ASTN1: variants seen among roughly 807,000 people sequenced by gnomAD.
ASTN1 encodes astrotactin 1, also known as astrotactin-1.
ASTN1 carries 41 observed loss-of-function variants against 140.7 expected under a neutral mutation model. That is an observed-to-expected ratio of 0.29 (90% CI 0.23 to 0.38). The LOEUF is 0.38. ASTN1 is among the 10% of genes least tolerant of loss of function. The pLI is 1.00. For synonymous variants in ASTN1, 640 were observed against 652.2 expected (o/e 0.98, Z 0.29); for missense variants, 1,479 against 1,678.8 (o/e 0.88, Z 2.08).
chr1:176,989,972 G>A (rs753203453), intron 8 of ASTN1, among the ~76,000 whole-genome samples: 1 of 151,860 alleles, frequency 6.6e-6, no homozygotes, highest in Non-Finnish European at 1.5e-5. Flanking sequence ...GGCTCCAAAA[G>A]GGAGTTCTGA....
intron 16 of ASTN1, among the ~76,000 whole-genome samples, chr1:176,913,277 T>C (rs533338792): frequency 1.3e-5 from 2 of 152,382 alleles, no homozygotes; most frequent in East Asian, 3.9e-4. Flanking sequence ...TTTGGTCCTC[T>C]TCTTTCTCTA....
At chr1:176,883,067 T>G in intron 19 of ASTN1, 73 bp from the exon 20 acceptor site, 1 of 1,573,860 alleles carries the variant, frequency 6.4e-7, no homozygotes, top group Non-Finnish European at 8.7e-7. Flanking sequence ...TGGAGTCAAC[T>G]CAATGAGAAC....
intron 1 of ASTN1, among the ~76,000 whole-genome samples, chr1:177,108,078 G>T (rs1029649707): frequency 6.6e-6 from 1 of 152,068 alleles, no homozygotes; most frequent in Admixed American, 6.6e-5. Context: ...AGCCAGGCGT[G>T]GTGATTCACA....
chr1:176,869,105 C>A (rs538616275), intron 21 of ASTN1, 78 bp from the exon 22 acceptor site: 44 of 980,304 alleles, frequency 4.5e-5, no homozygotes, highest in East Asian at 1.1e-4. Flanking sequence ...TATATATGAT[C>A]TATATCATAT....
At position 177,030,957 on chromosome 1, in the gene ASTN1, A is replaced by G. The variant is rs1276074276; in HGVS notation, c.866-5T>C. 6.2e-6 allele frequency: 10 copies of G among 1,608,972 alleles called. No homozygotes were observed. In the African/African-American group the frequency reaches 9.3e-5, roughly 15 times the overall value. ...ACAGCTTGGCATTGTCACTTCCTGT[A>G]TAAGGAAAAGACGAGGCAAAAACTT... On this transcript the variant is annotated splice_region_variant and splice_polypyrimidine_tract_variant and intron_variant, in intron 3 of 22. Transcript: ENST00000361833.
At chr1:176,985,893 C>CACAG (rs1179261381) in intron 8 of ASTN1, among the ~76,000 whole-genome samples, 94 of 143,886 alleles carry the variant, frequency 6.5e-4, no homozygotes, top group African/African-American at 1.9e-3. Context: ...CACACACACA[C>CACAG]ACAGACAGCC....
intron 8 of ASTN1, among the ~76,000 whole-genome samples, chr1:177,000,271 T>G (rs1674664472): frequency 6.6e-6 from 1 of 152,166 alleles, no homozygotes; most frequent in Non-Finnish European, 1.5e-5. Context: ...TAGCACAAGC[T>G]TAGCTTAGAA....
intron 20 of ASTN1, among the ~76,000 whole-genome samples, chr1:176,882,433 T>G (rs1668841173): frequency 6.6e-6 from 1 of 152,228 alleles, no homozygotes; most frequent in South Asian, 2.1e-4. Context: ...CCTTTGCAGC[T>G]TCCTGAGCCT....
At chr1:177,029,040 G>A (rs534398879) in intron 5 of ASTN1, among the ~76,000 whole-genome samples, 12 of 152,276 alleles carry the variant, frequency 7.9e-5, no homozygotes, top group South Asian at 4.1e-4. Flanking sequence ...CAGTGGCTGC[G>A]TGGAAGGACA....
chr1:177,003,347 C>A (rs1674832311), intron 8 of ASTN1, among the ~76,000 whole-genome samples: 1 of 151,006 alleles, frequency 6.6e-6, no homozygotes, highest in African/African-American at 2.4e-5. Flanking sequence ...ATATGCAAGT[C>A]AATAAATGTG....
intron 8 of ASTN1, among the ~76,000 whole-genome samples, chr1:176,968,988 A>G (rs375275285): frequency 6.6e-6 from 1 of 152,164 alleles, no homozygotes; most frequent in African/African-American, 2.4e-5. Flanking sequence ...GCACACAGGT[A>G]GAAAGCCATA....
chr1:177,108,569 A>G (rs1680663866), intron 1 of ASTN1, among the ~76,000 whole-genome samples: 1 of 152,012 alleles, frequency 6.6e-6, no homozygotes, highest in African/African-American at 2.4e-5. Context: ...GTGTGTGTAT[A>G]CCCACTCCCT....
chr1:177,011,043 T>G (rs1675267194), intron 8 of ASTN1, among the ~76,000 whole-genome samples: 1 of 152,144 alleles, frequency 6.6e-6, no homozygotes, highest in Admixed American at 6.5e-5. Flanking sequence ...ACAAGACCTC[T>G]TTGCTATCTA....
rs997853526 is a variant in ASTN1, at chr1:176,863,843, G to C, written c.*441C>G. On this transcript the variant is annotated 3_prime_UTR_variant, in exon 23 of 23. Coordinates refer to ENST00000361833, the MANE Select transcript of ASTN1 (RefSeq NM_004319.3). ...GCTTCCTGAGGAATGCTTGAGGGTG[G>C]GGCCTGCGGCAGGCCTAACAACTTT... 1.2e-5 allele frequency: 12 copies of C among 997,632 alleles called. No individual in the cohort carries two copies. The highest frequency in any genetic ancestry group is 1.4e-5 in the Non-Finnish European group (12 of 836,528). 61.8% of individuals were successfully genotyped at this position (997,632 alleles called of 1,614,324 possible). A position where few individuals can be genotyped will look rare whatever the true frequency, so the allele number is the denominator to read the frequency against.
intron 7 of ASTN1, among the ~76,000 whole-genome samples, chr1:177,019,465 G>A (rs1447861514): frequency 6.6e-6 from 1 of 152,170 alleles, no homozygotes; most frequent in Non-Finnish European, 1.5e-5. Flanking sequence ...ACAGCCAAAT[G>A]ATAAAAACAT....
chr1:177,018,500 G>A (rs1328314364), intron 7 of ASTN1, among the ~76,000 whole-genome samples: 1 of 152,198 alleles, frequency 6.6e-6, no homozygotes, highest in Non-Finnish European at 1.5e-5. Context: ...ACATGGTTGG[G>A]TCTGGCCTAT....
Position 176,863,909 on chromosome 1 carries a change from C to G in ASTN1, c.*375G>C, listed in dbSNP as rs1463000081. On this transcript the variant is annotated 3_prime_UTR_variant, in exon 23 of 23. Coordinates refer to ENST00000361833, the MANE Select transcript of ASTN1 (RefSeq NM_004319.3). ...CTCCCAGTTGCAATGGATTTAGGAA[C>G]TGAGTGAGCACAGGGTGCCTACTTA... 2.9e-6 allele frequency: 3 copies of G among 1,031,958 alleles called. No homozygotes were observed. In the African/African-American group the frequency reaches 5.1e-5, roughly 18 times the overall value. 63.9% of individuals were successfully genotyped at this position (1,031,958 alleles called of 1,614,324 possible). A position where few individuals can be genotyped will look rare whatever the true frequency, so the allele number is the denominator to read the frequency against.
chr1:176,949,394 G>A (rs1672096580), intron 11 of ASTN1, 43 bp from the exon 12 acceptor site: 1 of 1,583,258 alleles, frequency 6.3e-7, no homozygotes, highest in Non-Finnish European at 8.6e-7. Context: ...GTGAATCGGG[G>A]AACTGAGTTC....
At chr1:177,076,374 C>T (rs1406447848) in intron 1 of ASTN1, among the ~76,000 whole-genome samples, 1 of 151,634 alleles carries the variant, frequency 6.6e-6, no homozygotes, top group Non-Finnish European at 1.5e-5. Flanking sequence ...CAGAAGCAAG[C>T]CAGAAAACCT....
Sources: gnomAD v4.1 joint callset for allele counts (sites outside exome capture counted in the v4.1 genomes callset) on GRCh38, gnomAD v4.1.1 for gene constraint, MANE v1.5 for transcripts, NCBI Gene and HGNC (gene_info 2026-07-23, HGNC 2026-07-21) for gene names.